CEP295: variants seen among roughly 807,000 people sequenced by gnomAD.
CEP295 encodes centrosomal protein 295, also known as centrosomal protein of 295 kDa.
In CEP295, 190 loss-of-function variants were observed where a neutral mutation model predicts 291.6. That is an observed-to-expected ratio of 0.65 (90% CI 0.58 to 0.73). The LOEUF (loss-of-function observed/expected upper bound fraction) is 0.73. Ranked by LOEUF, CEP295 falls within the 30% of genes least tolerant of loss-of-function variation. The pLI is 0.00. For missense variants in CEP295, 2,863 were observed against 2,949.4 expected (o/e 0.97, Z 0.68); for synonymous variants, 993 against 1,038.8 (o/e 0.96, Z 0.85).
In CEP295 at chr11:93,698,985, T is replaced by C. The variant is rs1480308273; in HGVS notation, c.4073T>C (p.Leu1358Ser). Residue 1358 changes from leucine to serine, a missense_variant, in exon 15 of 30, where the codon TTA becomes TCA. By Grantham distance (145) the Leu-to-Ser change is moderately radical. Around this residue, in one of 3 missense-constraint regions of CEP295, gnomAD observed 2,295 missense variants for 2,335.7 expected, o/e 0.98. Transcript: ENST00000325212. ...QDNLKALQEQLATQREAIILA... is the reference protein window; with the variant it reads ...QDNLKALQEQSATQREAIILA... ...AATTTGAAGGCACTTCAAGAACAGT[T>C]AGCTACACAGAGAGAAGCCATCATT... 6.5e-7 allele frequency: 1 copy of C among 1,550,096 alleles called. No individual in the cohort carries two copies. The highest frequency in any genetic ancestry group is 8.7e-7 in the Non-Finnish European group (1 of 1,146,988).
At chr11:93,694,581 T>C (rs1472396382) in intron 12 of CEP295, among the ~76,000 whole-genome samples, 1 of 152,188 alleles carries the variant, frequency 6.6e-6, no homozygotes, top group East Asian at 1.9e-4. Context: ...ATAAGGGTTA[T>C]TTGAACACAA....
rs536920551 is a variant in CEP295 at position 93,690,014 on chromosome 11, G to T, written c.1337-1669G>T. 2.6e-5 allele frequency among the ~76,000 whole-genome samples: 4 copies of T among 152,320 alleles called. No homozygotes were observed. In the South Asian group the frequency reaches 8.3e-4, roughly 32 times the overall value. On this transcript the variant is annotated intron_variant, in intron 10 of 29. Transcript: ENST00000325212. The stretch of plus-strand genomic sequence containing the variant: ...CTAGAAGATGGCTAGAGAAAGGGCA[G>T]ATAGCAAAGTCAGTAAAAGGAGTGG...
chr11:93,726,617 T>A (rs1954161138), intron 23 of CEP295: 1 of 163,624 alleles, frequency 6.1e-6, no homozygotes. Context: ...ATACATGAGA[T>A]ACACAAGGAT....
chr11:93,730,123 G>A lies in CEP295; in HGVS notation c.7742G>A (p.Arg2581Lys). The change falls in exon 29 of 30, where the codon AGA becomes AAA. Residue 2581 changes from arginine to lysine, a missense_variant. By Grantham distance (26) the Arg-to-Lys change is conservative. This residue lies in a region of CEP295 where 2,295 missense variants were observed against 2,335.7 expected (regional missense o/e 0.98). Transcript: ENST00000325212. ...AAACAAGAAGCTTATGCCCAAAACA[G>A]AGCAAGGGCAAAAGAATTCCATAAG... ...KTKQEAYAQNRARAKEFHKKT... is the reference protein window; with the variant it reads ...KTKQEAYAQNKARAKEFHKKT... The A allele has an allele frequency of 6.4e-7, 1 of 1,551,010 alleles. No individual in the cohort carries two copies. The highest frequency in any genetic ancestry group is 8.7e-7 in the Non-Finnish European group (1 of 1,146,842).
intron 7 of CEP295, 90 bp downstream of exon 7, chr11:93,679,642 G>C: frequency 3.7e-6 from 4 of 1,091,994 alleles, no homozygotes; most frequent in Non-Finnish European, 5.1e-6. Flanking sequence ...AAGAAAGGTA[G>C]GAAGGGTGGG....
chr11:93,706,851 A>G lies in CEP295; in HGVS notation c.5703A>G (p.Gln1901=), dbSNP rs766019788. ...PLAHDPFSCL[Q]LVGQENVCGD... is the part of the protein sequence containing the mutation. ...CCCATGATCCGTTTAGTTGTCTTCA[A>G]CTGGTTGGCCAAGAGAATGTCTGTG... is the stretch of plus-strand genomic sequence containing the variant. Residue 1901 remains glutamine, a synonymous_variant, in exon 18 of 30, where the codon CAA becomes CAG. Coordinates refer to ENST00000325212, the MANE Select transcript of CEP295 (RefSeq NM_033395.2). 1.2e-5 allele frequency: 19 copies of G among 1,548,242 alleles called. No individual in the cohort carries two copies. The highest frequency in any genetic ancestry group is 3.6e-5 in the South Asian group (3 of 83,696).
At position 93,685,931 on chromosome 11, in the gene CEP295, G is replaced by A. The variant is rs556433787; in HGVS notation, c.1115-1713G>A. On this transcript the variant is annotated intron_variant, in intron 9 of 29. Coordinates refer to ENST00000325212, the MANE Select transcript of CEP295 (RefSeq NM_033395.2). Reference sequence around the variant, plus strand: ...TCACTATGTTGGCCAGGCTGGTCTCGAACTCCTGACCTTGTGACCCGCCCA... The same window carrying A: ...TCACTATGTTGGCCAGGCTGGTCTCAAACTCCTGACCTTGTGACCCGCCCA... 1.1e-3 allele frequency among the ~76,000 whole-genome samples: 170 copies of A among 152,030 alleles called. 1 individual carries two copies. The highest frequency in any genetic ancestry group is 3.9e-3 in the African/African-American group (160 of 41,540).
chr11:93,703,791 CAG>C (rs1243893379), intron 17 of CEP295, among the ~76,000 whole-genome samples: 5 of 125,134 alleles, frequency 4.0e-5, no homozygotes, highest in Non-Finnish European at 6.5e-5. Flanking sequence ...TTTTTTGAGA[CAG>C]AGTCTCGCTC....
At position 93,728,760 on chromosome 11, in the gene CEP295, T is replaced by C; in HGVS notation, c.7241T>C (p.Met2414Thr). 1 of 1,550,788 alleles carries C rather than the reference T, an allele frequency of 6.4e-7. No individual in the cohort carries two copies. Among genetic ancestry groups the C allele is most frequent in the Non-Finnish European group, 8.7e-7 (1 of 1,146,686 alleles). Residue 2414 changes from methionine (M) to threonine (T), a missense_variant, in exon 25 of 30, where the codon ATG becomes ACG. Transcript: ENST00000325212. ...ACCACTGATACCAGTATTGCTGAAATGGATTTTGCAAATTTAACCCTAGAA... is the reference window on the plus strand; with the variant it reads ...ACCACTGATACCAGTATTGCTGAAACGGATTTTGCAAATTTAACCCTAGAA... ...ISTTDTSIAE[M>T]DFANLTLEEK...
chr11:93,677,520 A>G (rs557241766), intron 6 of CEP295, among the ~76,000 whole-genome samples: 7 of 152,268 alleles, frequency 4.6e-5, no homozygotes, highest in African/African-American at 1.2e-4. Flanking sequence ...TTGTTTTGCT[A>G]CATTCGCTAC....
At chr11:93,719,946 A>G (rs1322337815) in intron 18 of CEP295, among the ~76,000 whole-genome samples, 1 of 152,150 alleles carries the variant, frequency 6.6e-6, no homozygotes, top group African/African-American at 2.4e-5. Flanking sequence ...CTCAGAATAC[A>G]TGATTGTTAA....
intron 18 of CEP295, among the ~76,000 whole-genome samples, chr11:93,717,425 A>G (rs1240455822): frequency 6.6e-6 from 1 of 152,234 alleles, no homozygotes; most frequent in Non-Finnish European, 1.5e-5. Context: ...GAGGCATCTC[A>G]GTAAATGGCT....
rs2135355073 is a variant in CEP295 at position 93,727,095 on chromosome 11, A to T, written c.6619A>T (p.Asn2207Tyr). ...EARDSSQGMK[N>Y]QNYPSEEHTE... is the part of the protein sequence containing the mutation. ...AAGAGATTCTTCCCAAGGCATGAAA[A>T]ATCAGAACTATCCCTCTGAAGAACA... The change falls in exon 24 of 30, where the codon AAT (asparagine) becomes TAT (tyrosine). Residue 2207 changes from asparagine to tyrosine, a missense_variant. Around this residue, in one of 3 missense-constraint regions of CEP295, gnomAD observed 2,295 missense variants for 2,335.7 expected, o/e 0.98. Transcript: ENST00000325212. 1 of 1,551,708 alleles carries T rather than the reference A, an allele frequency of 6.4e-7. No homozygotes were observed. The highest frequency in any genetic ancestry group is 1.2e-5 in the South Asian group (1 of 84,018).
intron 23 of CEP295, chr11:93,726,768 TAGAAAA>T (rs1954176886): frequency 2.3e-6 from 1 of 428,264 alleles, no homozygotes; most frequent in East Asian, 3.7e-5. Flanking sequence ...TAAATATTAA[TAGAAAA>T]AGAAAAAATA....
At chr11:93,709,918 C>G (rs1234856703) in intron 18 of CEP295, among the ~76,000 whole-genome samples, 2 of 152,052 alleles carry the variant, frequency 1.3e-5, no homozygotes, top group African/African-American at 4.8e-5. Flanking sequence ...AATGGGATTA[C>G]TTTCTTGATT....
At position 93,697,853 on chromosome 11, in the gene CEP295, G is replaced by C. The variant is rs369476156; in HGVS notation, c.2941G>C (p.Glu981Gln). ...AGTATTGTATGTACATAAACAGAGT[G>C]AATTGGATAGAAGAGTATGTTCCGA... ...QEVLYVHKQSELDRRVCSEQA... is the reference protein window; with the variant it reads ...QEVLYVHKQSQLDRRVCSEQA... Residue 981 changes from glutamate (E) to glutamine (Q), a missense_variant, in exon 15 of 30, where the codon GAA (glutamate) becomes CAA (glutamine). Physicochemically the swap from Glu to Gln is conservative, Grantham distance 29. This residue lies in a region of CEP295 where 2,295 missense variants were observed against 2,335.7 expected (regional missense o/e 0.98). Coordinates refer to ENST00000325212, the MANE Select transcript of CEP295 (RefSeq NM_033395.2). 6.4e-7 allele frequency: 1 copy of C among 1,551,610 alleles called. No individual in the cohort carries two copies. Among genetic ancestry groups the C allele is most frequent in the Non-Finnish European group, 8.7e-7 (1 of 1,147,004 alleles).
intron 1 of CEP295, among the ~76,000 whole-genome samples, chr11:93,664,469 A>C (rs1057070802): frequency 2.0e-5 from 3 of 152,244 alleles, no homozygotes; most frequent in African/African-American, 4.8e-5. Flanking sequence ...ACCATTACCA[A>C]AGCCGTGTGA....
chr11:93,724,182 A>G, intron 21 of CEP295, 72 bp from the exon 22 acceptor site: 1 of 1,345,884 alleles, frequency 7.4e-7, no homozygotes, highest in South Asian at 1.3e-5. Flanking sequence ...CTCCTTTTCT[A>G]GTGTTTACCT....
intron 18 of CEP295, among the ~76,000 whole-genome samples, chr11:93,718,883 G>T (rs1354418089): frequency 2.6e-5 from 4 of 152,170 alleles, no homozygotes. Flanking sequence ...GGCCCAGGTG[G>T]GCGGATCATA....
Sources: gnomAD v4.1 joint callset for allele counts (sites outside exome capture counted in the v4.1 genomes callset) on GRCh38, gnomAD v4.1.1 for gene constraint, gnomAD v4.1.1 regional missense constraint, MANE v1.5 for transcripts, NCBI Gene and HGNC (gene_info 2026-07-23, HGNC 2026-07-21) for gene names.